PITPNB: variants seen among roughly 807,000 people sequenced by gnomAD.
PITPNB encodes the protein phosphatidylinositol transfer protein beta.
A neutral mutation model predicts 45.9 loss-of-function variants in PITPNB; 16 were observed. That is an observed-to-expected ratio of 0.35 (90% CI 0.24 to 0.53). The LOEUF is 0.53. PITPNB is among the 20% of genes least tolerant of loss of function. The probability of loss-of-function intolerance (pLI) is 0.93; values close to 1 mark genes in which losing one functional copy is unlikely to be tolerated. For missense variants in PITPNB, 188 were observed against 330.5 expected, an observed-to-expected ratio of 0.57 and a Z score of 3.34; for synonymous variants, 112 against 108.9, an observed-to-expected ratio of 1.03 and a Z score of -0.18.
intron 7 of PITPNB, among the ~76,000 whole-genome samples, chr22:27,880,859 G>C (rs1934950163): frequency 6.6e-6 from 1 of 152,276 alleles, no homozygotes; most frequent in Middle Eastern, 3.4e-3. Flanking sequence ...CAACTTAGGT[G>C]ATCTGCCTGC....
At chr22:27,863,963 A>G (rs1934408321) in intron 8 of PITPNB, among the ~76,000 whole-genome samples, 1 of 152,212 alleles carries the variant, frequency 6.6e-6, no homozygotes, top group Non-Finnish European at 1.5e-5. Flanking sequence ...TCCCTAAGAT[A>G]TCTTTCCAGA....
intron 8 of PITPNB, among the ~76,000 whole-genome samples, chr22:27,870,099 A>G (rs549071414): frequency 6.6e-6 from 1 of 152,330 alleles, no homozygotes; most frequent in African/African-American, 2.4e-5. Flanking sequence ...CTACATCTCC[A>G]TACCTTACAC....
At chr22:27,879,693 T>C (rs1423064749) in intron 7 of PITPNB, among the ~76,000 whole-genome samples, 2 of 152,224 alleles carry the variant, frequency 1.3e-5, no homozygotes, top group African/African-American at 4.8e-5. Flanking sequence ...TTTAAAATTA[T>C]ACTGCATATA....
chr22:27,867,605 T>C (rs1464371217), intron 8 of PITPNB, among the ~76,000 whole-genome samples: 1 of 152,222 alleles, frequency 6.6e-6, no homozygotes, highest in African/African-American at 2.4e-5. Flanking sequence ...CTATGTTAAA[T>C]GCTTCATGCT....
intron 3 of PITPNB, among the ~76,000 whole-genome samples, chr22:27,901,692 TG>T (rs552481191): frequency 4.1e-4 from 63 of 152,200 alleles, no homozygotes; most frequent in South Asian, 3.5e-3. Context: ...GAGACCAGCC[TG>T]GCCAACATGA....
At chr22:27,900,095 C>G (rs867628971) in intron 3 of PITPNB, among the ~76,000 whole-genome samples, 2 of 151,898 alleles carry the variant, frequency 1.3e-5, no homozygotes, top group East Asian at 3.9e-4. Context: ...CCCAGCTACT[C>G]GGGACACTGA....
chr22:27,905,448 T>C (rs982925245), intron 3 of PITPNB, among the ~76,000 whole-genome samples: 2 of 152,204 alleles, frequency 1.3e-5, no homozygotes, highest in Non-Finnish European at 2.9e-5. Context: ...ACACCCAGCC[T>C]ATTAATTTCT....
At chr22:27,865,585 G>A (rs1011781863) in intron 8 of PITPNB, among the ~76,000 whole-genome samples, 3 of 152,174 alleles carry the variant, frequency 2.0e-5, no homozygotes, top group African/African-American at 7.2e-5. Context: ...TCAGAGCAAT[G>A]TTCTAGAATC....
chr22:27,885,362 TTG>T (rs1429674815), intron 7 of PITPNB, among the ~76,000 whole-genome samples: 1 of 152,100 alleles, frequency 6.6e-6, no homozygotes, highest in East Asian at 1.9e-4. Context: ...TTTACTGTGG[TTG>T]TGTATCAGTG....
rs1003089996 is a variant in PITPNB, at chr22:27,913,006, TG to T, written c.51+1310del. Among the ~76,000 whole-genome samples the T allele has an allele frequency of 4.4e-3, 439 of 99,078 alleles. 1 individual carries two copies. The highest frequency in any genetic ancestry group is 6.9e-3 in the South Asian group (20 of 2,898). The allele number at this position is 99,078 out of a possible 152,430, so 65.0% of individuals were successfully genotyped here. ...TCCAAAAAAAAAAAAAAAAAAAAGG[TG>T]GGGGGGGGAGTATAACAAAAAGCCG... On this transcript the variant is annotated intron_variant, in intron 2 of 11. Coordinates refer to ENST00000335272, the MANE Select transcript of PITPNB (RefSeq NM_012399.5).
chr22:27,854,772 G>A (rs1601370364), intron 11 of PITPNB, 82 bp downstream of exon 11: 1 of 673,754 alleles, frequency 1.5e-6, no homozygotes, highest in South Asian at 2.0e-5. Context: ...TTAACACTTA[G>A]AGCTTCTGCT....
intron 1 of PITPNB, 180 bp downstream of exon 1, chr22:27,918,992 G>A (rs1936185123): frequency 1.2e-6 from 1 of 866,244 alleles, no homozygotes; most frequent in East Asian, 2.5e-5. Context: ...GCAATGCCTG[G>A]AGGGCCGAGG....
At chr22:27,903,350 T>C (rs1418388500) in intron 3 of PITPNB, among the ~76,000 whole-genome samples, 3 of 150,516 alleles carry the variant, frequency 2.0e-5, no homozygotes, top group Non-Finnish European at 4.4e-5. Context: ...ATGCCTGTAA[T>C]ACCAGCTACT....
intron 7 of PITPNB, 38 bp from the exon 8 acceptor site, chr22:27,873,853 C>A (rs1323337689): frequency 2.2e-6 from 3 of 1,360,520 alleles, no homozygotes. Context: ...GAGAAGAAAA[C>A]CAGAGAATAT....
chr22:27,890,237 T>A (rs1167050611), intron 7 of PITPNB, among the ~76,000 whole-genome samples: 3 of 117,064 alleles, frequency 2.6e-5, no homozygotes, highest in African/African-American at 1.0e-4. Context: ...CCCCACACCC[T>A]CCATCCCAAC....
chr22:27,881,431 ATAAG>A (rs1934969511), intron 7 of PITPNB, among the ~76,000 whole-genome samples: 1 of 152,218 alleles, frequency 6.6e-6, no homozygotes, highest in South Asian at 2.1e-4. Context: ...CACCCTAGTG[ATAAG>A]TAACACATTT....
At chr22:27,903,698 C>A (rs1450731294) in intron 3 of PITPNB, among the ~76,000 whole-genome samples, 2 of 149,586 alleles carry the variant, frequency 1.3e-5, no homozygotes, top group African/African-American at 2.5e-5. Context: ...ATTGCTTGAG[C>A]CCAGGAGTTC....
intron 7 of PITPNB, among the ~76,000 whole-genome samples, chr22:27,892,375 A>C (rs1935304692): frequency 6.6e-6 from 1 of 152,192 alleles, no homozygotes; most frequent in Admixed American, 6.5e-5. Flanking sequence ...GCAAAACCAA[A>C]GGTATCTTGT....
intron 3 of PITPNB, among the ~76,000 whole-genome samples, chr22:27,907,267 G>T (rs1045545383): frequency 3.9e-5 from 6 of 152,202 alleles, no homozygotes; most frequent in Admixed American, 3.9e-4. Flanking sequence ...TCATGGGGCT[G>T]CACCTTTAGG....
Sources: gnomAD v4.1 joint callset for allele counts (sites outside exome capture counted in the v4.1 genomes callset) on GRCh38, gnomAD v4.1.1 for gene constraint, MANE v1.5 for transcripts, NCBI Gene and HGNC (gene_info 2026-07-23, HGNC 2026-07-21) for gene names.